The following SGCZ variants were observed in gnomAD, a reference collection of about 807,000 sequenced individuals.
SGCZ encodes the protein zeta-sarcoglycan.
SGCZ carries 40 observed loss-of-function variants against 41.3 expected under a neutral mutation model. The observed-to-expected ratio is 0.97, with a 90% CI of 0.75 to 1.26. The LOEUF (loss-of-function observed/expected upper bound fraction) is 1.26. Among genes scored for constraint, SGCZ ranks in the 50% most tolerant of loss-of-function variants. The pLI is 0.00. For missense variants in SGCZ, 552 were observed against 369.8 expected (o/e 1.49, Z -4.04); for synonymous variants, 206 against 137.5 (o/e 1.50, Z -3.49).
intron 1 of SGCZ, among the ~76,000 whole-genome samples, chr8:14,736,835 C>A (rs1799049525): frequency 6.6e-6 from 1 of 151,866 alleles, no homozygotes; most frequent in Admixed American, 6.6e-5. Flanking sequence ...GAGTAAAGAA[C>A]TAAAAGTAGT....
chr8:14,437,674 G>C (rs1322650960), intron 2 of SGCZ, among the ~76,000 whole-genome samples: 4 of 151,594 alleles, frequency 2.6e-5, no homozygotes, highest in Non-Finnish European at 4.4e-5. Flanking sequence ...GACTTCAAAA[G>C]GGACCTGAGA....
chr8:15,237,696 A>C lies in SGCZ; in HGVS notation c.-73T>G, dbSNP rs1802185825. ...AAAACAATCTAGTCTTTTAGTTTCC[A>C]GCTTAAACTCAGCTTTATCCTCCTC... is the stretch of plus-strand genomic sequence containing the variant. On this transcript the variant is annotated 5_prime_UTR_variant, in exon 1 of 8. Transcript: ENST00000382080. The C allele has an allele frequency of 6.6e-7, 1 of 1,519,384 alleles. No individual in the cohort carries two copies. Among genetic ancestry groups the C allele is most frequent in the Admixed American group, 2.0e-5 (1 of 50,914 alleles). 94.1% of individuals were successfully genotyped at this position (1,519,384 alleles called of 1,614,324 possible). A position where few individuals can be genotyped will look rare whatever the true frequency, so the allele number is the denominator to read the frequency against.
At chr8:14,841,614 G>C (rs1464773053) in intron 1 of SGCZ, among the ~76,000 whole-genome samples, 2 of 152,082 alleles carry the variant, frequency 1.3e-5, no homozygotes, top group African/African-American at 2.4e-5. Flanking sequence ...GTTAAACTAA[G>C]GAATACTTGG....
intron 1 of SGCZ, among the ~76,000 whole-genome samples, chr8:15,019,023 C>T (rs1390398635): frequency 2.6e-5 from 4 of 152,174 alleles, no homozygotes; most frequent in Non-Finnish European, 5.9e-5. Flanking sequence ...CACTTTTAAA[C>T]AACTAGATCT....
Position 14,573,547 on chromosome 8 carries a change from G to A in SGCZ, c.40-18621C>T, listed in dbSNP as rs894214993. On this transcript the variant is annotated intron_variant, in intron 1 of 7. Transcript: ENST00000382080. ...AATTTCTCCTACCTTTCTCCTCAAC[G>A]AAAGAGCTATTAGAGAATTTTTCAT... Among the ~76,000 whole-genome samples, 17 of 152,122 alleles carry A rather than the reference G, an allele frequency of 1.1e-4. No individual in the cohort carries two copies. In the East Asian group the frequency reaches 1.9e-3, roughly 17 times the overall value.
chr8:14,471,258 C>T (rs1014373255), intron 2 of SGCZ, among the ~76,000 whole-genome samples: 1 of 152,050 alleles, frequency 6.6e-6, no homozygotes, highest in Non-Finnish European at 1.5e-5. Flanking sequence ...TTGTTTGACT[C>T]ATGTAGTGTA....
chr8:14,910,824 A>G (rs906622636), intron 1 of SGCZ, among the ~76,000 whole-genome samples: 7 of 151,992 alleles, frequency 4.6e-5, no homozygotes, highest in African/African-American at 1.7e-4. Context: ...TATATTGTAC[A>G]TTCATATTCT....
At chr8:14,273,116 A>T (rs1478081333) in intron 3 of SGCZ, among the ~76,000 whole-genome samples, 37 of 152,108 alleles carry the variant, frequency 2.4e-4, no homozygotes, top group Non-Finnish European at 5.9e-5. Context: ...AAGTGTCATC[A>T]TGAAGAGCTT....
chr8:14,379,544 T>G (rs928783389), intron 2 of SGCZ, among the ~76,000 whole-genome samples: 1 of 152,174 alleles, frequency 6.6e-6, no homozygotes, highest in Non-Finnish European at 1.5e-5. Context: ...ACATTAAATT[T>G]TCTTATGATC....
rs144237708 is a variant in SGCZ at position 15,126,962 on chromosome 8, A to G, written c.39+110623T>C. ...TCATGGTCTAAAGAGACAGCCCTTC[A>G]TTAAGCATCTCTTTGACGTCCATGC... On this transcript the variant is annotated intron_variant, in intron 1 of 7. Transcript: ENST00000382080. Among the ~76,000 whole-genome samples, 312 of 152,336 alleles carry G rather than the reference A, an allele frequency of 2.0e-3. 8 individuals carry two copies. The highest frequency in any genetic ancestry group is 0.017 in the Admixed American group (258 of 15,298).
intron 1 of SGCZ, among the ~76,000 whole-genome samples, chr8:14,637,704 T>C (rs1169929997): frequency 1.3e-5 from 2 of 151,938 alleles, no homozygotes; most frequent in Non-Finnish European, 2.9e-5. Flanking sequence ...TACCACATTT[T>C]CTTTATCTAA....
intron 1 of SGCZ, among the ~76,000 whole-genome samples, chr8:15,093,308 T>C (rs1806218639): frequency 6.6e-6 from 1 of 152,226 alleles, no homozygotes; most frequent in Non-Finnish European, 1.5e-5. Context: ...TCATTTGTAC[T>C]TCTCATCAGG....
intron 1 of SGCZ, among the ~76,000 whole-genome samples, chr8:14,590,516 A>C (rs1263379314): frequency 6.6e-6 from 1 of 151,238 alleles, no homozygotes; most frequent in Non-Finnish European, 1.5e-5. Context: ...CTTTAAAATT[A>C]TGTTTTTTAT....
At chr8:14,359,646 G>A (rs1431540959) in intron 2 of SGCZ, among the ~76,000 whole-genome samples, 1 of 151,938 alleles carries the variant, frequency 6.6e-6, no homozygotes, top group East Asian at 1.9e-4. Flanking sequence ...AAGTCTCTCA[G>A]CAAAGAAAAG....
At chr8:14,257,075 A>G (rs1376633778) in intron 3 of SGCZ, among the ~76,000 whole-genome samples, 2 of 152,148 alleles carry the variant, frequency 1.3e-5, no homozygotes, top group African/African-American at 4.8e-5. Context: ...TCATGCCTCT[A>G]ATCCTAGCAC....
chr8:14,992,973 A>G (rs752667918), intron 1 of SGCZ, among the ~76,000 whole-genome samples: 3 of 146,844 alleles, frequency 2.0e-5, no homozygotes, highest in Non-Finnish European at 3.0e-5. Flanking sequence ...TCCTCCTTCA[A>G]TCTACCCCCA....
intron 1 of SGCZ, among the ~76,000 whole-genome samples, chr8:14,680,977 A>AC (rs1462519026): frequency 1.3e-5 from 2 of 151,078 alleles, no homozygotes; most frequent in Non-Finnish European, 3.0e-5. Flanking sequence ...AAAAAAAAAA[A>AC]AAAACAGAAA....
intron 3 of SGCZ, among the ~76,000 whole-genome samples, chr8:14,259,443 G>C (rs1166243494): frequency 6.6e-6 from 1 of 150,830 alleles, no homozygotes; most frequent in Admixed American, 6.7e-5. Context: ...TATGGTTTTA[G>C]GTCGAACGTT....
intron 1 of SGCZ, among the ~76,000 whole-genome samples, chr8:14,958,101 T>C (rs2130846826): frequency 6.6e-6 from 1 of 152,194 alleles, no homozygotes; most frequent in Middle Eastern, 3.4e-3. Context: ...CCTTATAACA[T>C]GTTGGGTAGA....
Sources: gnomAD v4.1 joint callset for allele counts (sites outside exome capture counted in the v4.1 genomes callset) on GRCh38, gnomAD v4.1.1 for gene constraint, MANE v1.5 for transcripts, NCBI Gene and HGNC (gene_info 2026-07-23, HGNC 2026-07-21) for gene names.